LAMA3: variants seen among roughly 807,000 people sequenced by gnomAD.
LAMA3 encodes laminin subunit alpha-3.
LAMA3 carries 281 observed loss-of-function variants against 402.0 expected under a neutral mutation model. That is an observed-to-expected ratio of 0.70 (90% CI 0.63 to 0.77). LAMA3 has a LOEUF of 0.77. Among genes scored for constraint, LAMA3 ranks in the 30% least tolerant of loss-of-function variants. The pLI is 0.00. For synonymous variants in LAMA3, 1,431 were observed against 1,558.4 expected (o/e 0.92, Z 1.93); for missense variants, 3,840 against 4,215.5 (o/e 0.91, Z 2.47).
intron 54 of LAMA3, 119 bp downstream of exon 54, chr18:23,908,054 G>A (rs2081308040): frequency 3.2e-6 from 3 of 926,092 alleles, no homozygotes; most frequent in Non-Finnish European, 5.3e-6. Context: ...TTAGAAAACA[G>A]CTCCACCTGA....
chr18:23,747,456 G>A (rs566616500), intron 2 of LAMA3, among the ~76,000 whole-genome samples: 22 of 152,330 alleles, frequency 1.4e-4, no homozygotes, highest in African/African-American at 5.1e-4. Flanking sequence ...CACAGGGAAG[G>A]AGTGCTACCA....
rs143499190 is a variant in LAMA3, at chr18:23,905,170, T to C, written c.6616-352T>C. 4.2e-3 allele frequency among the ~76,000 whole-genome samples: 639 copies of C among 152,320 alleles called. 4 individuals carry two copies. The highest frequency in any genetic ancestry group is 0.015 in the African/African-American group (610 of 41,562). On this transcript the variant is annotated intron_variant, in intron 51 of 74. Transcript: ENST00000313654. ...TCAGAGTTCAGGGGGACAGGCCTTC[T>C]TGAATGAGTGAAGACTTTTCTGTCC...
In LAMA3 at chr18:23,857,841, C is replaced by T. The variant is rs758949610; in HGVS notation, c.4137-3C>T. On this transcript the variant is annotated splice_region_variant and splice_polypyrimidine_tract_variant and intron_variant, in intron 32 of 74. Transcript: ENST00000313654. Reference sequence around the variant, plus strand: ...ATTTTTGCTTCCTTTACTTTGTGTACAGATGCAAGCCCAGAATCACAGGGC... The same window carrying T: ...ATTTTTGCTTCCTTTACTTTGTGTATAGATGCAAGCCCAGAATCACAGGGC... 5 of 1,614,216 alleles carry T rather than the reference C, an allele frequency of 3.1e-6. No homozygotes were observed. The highest frequency in any genetic ancestry group is 4.2e-6 in the Non-Finnish European group (5 of 1,180,040).
intron 39 of LAMA3, among the ~76,000 whole-genome samples, chr18:23,877,594 C>T (rs552267910): frequency 4.6e-5 from 7 of 152,216 alleles, no homozygotes; most frequent in East Asian, 3.9e-4. Context: ...GCTCGTTCAC[C>T]GTGGCCCAGG....
intron 41 of LAMA3, among the ~76,000 whole-genome samples, chr18:23,889,706 A>AAGGAAGGAAGGAAGGG (rs2080583214): frequency 2.4e-5 from 1 of 41,192 alleles, no homozygotes; most frequent in Non-Finnish European, 8.8e-5. Context: ...GGGAGGGAGG[A>AAGGAAGGAAGGAAGGG]AGGGAGGAAG....
At chr18:23,907,465 C>T in intron 52 of LAMA3, 85 bp from the exon 53 acceptor site, 1 of 947,932 alleles carries the variant, frequency 1.1e-6, no homozygotes, top group Admixed American at 1.7e-5. Context: ...GCTGTGCAGA[C>T]ACTGGCTACT....
At chr18:23,872,902 T>G in intron 38 of LAMA3, 4 of 848,472 alleles carry the variant, frequency 4.7e-6, no homozygotes, top group Non-Finnish European at 7.6e-6. Context: ...GGCTGACTCA[T>G]GTGTGAAGTT....
chr18:23,825,406 G>A (rs2063362059), intron 21 of LAMA3, among the ~76,000 whole-genome samples: 1 of 152,182 alleles, frequency 6.6e-6, no homozygotes, highest in South Asian at 2.1e-4. Context: ...TTTCCTTCAG[G>A]CACAACCCTG....
In LAMA3 at chr18:23,845,076, A is replaced by G. The variant is rs2063784187; in HGVS notation, c.3671A>G (p.Lys1224Arg). The change falls in exon 30 of 75, where the codon AAG becomes AGG. Residue 1224 changes from lysine to arginine, a missense_variant. By Grantham distance (26) the Lys-to-Arg change is conservative. Around this residue, in one of 3 missense-constraint regions of LAMA3, gnomAD observed 2,109 missense variants for 2,376.0 expected, o/e 0.89. Coordinates refer to ENST00000313654, the MANE Select transcript of LAMA3 (RefSeq NM_198129.4). Reference sequence around the variant, plus strand: ...ATACTTCACAAAAAATCCATGGACAAGTCACTCGAGTTTATCACCAATTGT... The same window carrying G: ...ATACTTCACAAAAAATCCATGGACAGGTCACTCGAGTTTATCACCAATTGT... ...YQILHKKSMDKSLEFITNCGK... is the reference protein window; with the variant it reads ...YQILHKKSMDRSLEFITNCGK... The G allele has an allele frequency of 1.9e-6, 3 of 1,613,154 alleles. No individual in the cohort carries two copies. Among genetic ancestry groups the G allele is most frequent in the African/African-American group, 1.3e-5 (1 of 74,906 alleles).
intron 38 of LAMA3, among the ~76,000 whole-genome samples, chr18:23,873,968 A>C (rs377276652): frequency 9.8e-5 from 15 of 152,326 alleles, no homozygotes; most frequent in African/African-American, 3.6e-4. Context: ...TTTTTTGTAG[A>C]ATGTGGTTTT....
chr18:23,839,910 T>A lies in LAMA3; in HGVS notation c.3317T>A (p.Val1106Asp), dbSNP rs370677712. ...SSPSVDVLPG[V>D]TLKAPQNQVT... The stretch of plus-strand genomic sequence containing the variant: ...CCTTCTGTTGATGTTCTTCCTGGGG[T>A]CACCTTGAAGGCACCGCAGGTAGTG... Residue 1106 changes from valine to aspartate, a missense_variant, in exon 27 of 75, where the codon GTC becomes GAC. Physicochemically the swap from Val to Asp is radical, Grantham distance 152. Coordinates refer to ENST00000313654, the MANE Select transcript of LAMA3 (RefSeq NM_198129.4). The surrounding 1 kb of genome is among the most constrained non-coding windows in gnomAD (Gnocchi z 4.5). 43 of 1,614,054 alleles carry A rather than the reference T, an allele frequency of 2.7e-5. No individual in the cohort carries two copies. Among genetic ancestry groups the A allele is most frequent in the Non-Finnish European group, 3.4e-5 (40 of 1,180,038 alleles).
intron 1 of LAMA3, among the ~76,000 whole-genome samples, chr18:23,702,718 C>CTG (rs57564954): frequency 0.6 from 91,568 of 151,892 alleles, 28,068 homozygotes; most frequent in Middle Eastern, 0.68. Flanking sequence ...GCCCAAATCT[C>CTG]TGGTGCCCAA....
At chr18:23,846,627 G>C in intron 31 of LAMA3, 119 bp downstream of exon 31, 2 of 962,762 alleles carry the variant, frequency 2.1e-6, no homozygotes, top group South Asian at 1.4e-5. Context: ...CTGGAGAAAT[G>C]CAGATTCTGA....
intron 2 of LAMA3, among the ~76,000 whole-genome samples, chr18:23,747,325 C>G (rs528071791): frequency 1.3e-5 from 2 of 152,240 alleles, no homozygotes; most frequent in South Asian, 2.1e-4. Flanking sequence ...AGGACCGAAG[C>G]CCCACTTCAT....
At chr18:23,883,627 CTA>C (rs1555724642) in intron 40 of LAMA3, among the ~76,000 whole-genome samples, 2 of 152,178 alleles carry the variant, frequency 1.3e-5, no homozygotes, top group Non-Finnish European at 2.9e-5. Flanking sequence ...GCTTTGCTGT[CTA>C]TGTCTTTGAT....
At chr18:23,791,258 A>C (rs547735603) in intron 12 of LAMA3, among the ~76,000 whole-genome samples, 3 of 152,334 alleles carry the variant, frequency 2.0e-5, no homozygotes, top group Admixed American at 2.0e-4. Context: ...ATAAATTTCA[A>C]AGTCCTATAA....
In LAMA3 at chr18:23,720,716, A is replaced by C. The variant is rs549605624; in HGVS notation, c.447+6644A>C. Among the ~76,000 whole-genome samples, 9 of 152,298 alleles carry C rather than the reference A, an allele frequency of 5.9e-5. No homozygotes were observed. In the South Asian group the frequency reaches 1.9e-3, roughly 32 times the overall value. The stretch of plus-strand genomic sequence containing the variant: ...AAACAATTCATTAGTGGGTAGAAAA[A>C]CAGGTGCCAATAAAATCCTCTGGGC... On this transcript the variant is annotated intron_variant, in intron 2 of 74. Transcript: ENST00000313654.
At chr18:23,744,436 TC>T (rs1267540158) in intron 2 of LAMA3, among the ~76,000 whole-genome samples, 3 of 152,148 alleles carry the variant, frequency 2.0e-5, no homozygotes, top group African/African-American at 7.2e-5. Flanking sequence ...GTTGGTGCCA[TC>T]AGTGGACTTA....
At chr18:23,871,723 T>C in intron 38 of LAMA3, 62 bp downstream of exon 38, 1 of 1,318,872 alleles carries the variant, frequency 7.6e-7, no homozygotes, top group Non-Finnish European at 1.1e-6. Flanking sequence ...TTTTGGCTGC[T>C]GTCCAGCACT....
Sources: gnomAD v4.1 joint callset for allele counts (sites outside exome capture counted in the v4.1 genomes callset) on GRCh38, gnomAD v4.1.1 for gene constraint, gnomAD v4.1.1 regional missense constraint, Gnocchi (gnomAD v3.1) non-coding constraint, MANE v1.5 for transcripts, NCBI Gene and HGNC (gene_info 2026-07-23, HGNC 2026-07-21) for gene names.